WDR70: variants seen among roughly 807,000 people sequenced by gnomAD.
WDR70 encodes the protein WD repeat-containing protein 70.
Under a neutral mutation model 88.6 loss-of-function variants are expected in WDR70, and 53 were observed. The observed-to-expected ratio is 0.60, with a 90% CI of 0.48 to 0.75. The LOEUF (loss-of-function observed/expected upper bound fraction) is 0.75, where lower values mean the gene tolerates loss of function less well. WDR70 is among the 30% of genes least tolerant of loss of function. The pLI, the probability that WDR70 is intolerant of heterozygous loss-of-function variation, is 0.00. For missense variants in WDR70, 610 were observed against 823.2 expected (o/e 0.74, Z 3.17); for synonymous variants, 280 against 270.0 (o/e 1.04, Z -0.36).
Position 37,605,169 on chromosome 5 carries a change from T to C in WDR70, c.1023T>C (p.Ser341=), listed in dbSNP as rs752694678. 6.2e-6 allele frequency: 10 copies of C among 1,613,164 alleles called. No homozygotes were observed. The highest frequency in any genetic ancestry group is 4.4e-5 in the South Asian group (4 of 90,904). Residue 341 remains serine (S), a synonymous_variant, in exon 10 of 18, where the codon AGT becomes AGC. Transcript: ENST00000265107. ...KKVIPTTCTY[S]RDGNLIAAAC... Reference sequence around the variant, plus strand: ...TCATTCCCACTACGTGCACATATAGTAGAGATGGAAACCTCATAGCAGCTG... The same window carrying C: ...TCATTCCCACTACGTGCACATATAGCAGAGATGGAAACCTCATAGCAGCTG...
intron 17 of WDR70, among the ~76,000 whole-genome samples, chr5:37,749,675 T>C (rs1346329427): frequency 6.6e-6 from 1 of 152,194 alleles, no homozygotes; most frequent in African/African-American, 2.4e-5. Flanking sequence ...CTATGATGTT[T>C]AACTGTCTTA....
At chr5:37,725,854 A>T (rs1747956277) in intron 16 of WDR70, among the ~76,000 whole-genome samples, 1 of 152,084 alleles carries the variant, frequency 6.6e-6, no homozygotes, top group Non-Finnish European at 1.5e-5. Context: ...ATGTTGCTAC[A>T]GCCTCCAAAC....
intron 9 of WDR70, among the ~76,000 whole-genome samples, chr5:37,578,200 A>T (rs1581408130): frequency 2.6e-5 from 4 of 152,106 alleles, no homozygotes; most frequent in African/African-American, 9.7e-5. Context: ...AGAAGGGAAG[A>T]AGTGTGGAGA....
intron 10 of WDR70, among the ~76,000 whole-genome samples, chr5:37,653,058 G>T (rs1243860703): frequency 6.6e-6 from 1 of 152,018 alleles, no homozygotes; most frequent in African/African-American, 2.4e-5. Flanking sequence ...CCCGTTCAGT[G>T]TGATACTGGC....
Position 37,722,814 on chromosome 5 carries a change from A to G in WDR70, c.1518-41A>G, listed in dbSNP as rs778136776. On this transcript the variant is annotated intron_variant, in intron 14 of 17. Transcript: ENST00000265107. ...TTTCAACATGAAATTTTCTGTTTCT[A>G]AGACCAAGTAAAGAAAATAATTTGC... is the stretch of plus-strand genomic sequence containing the variant. 12 of 1,590,730 alleles carry G rather than the reference A, an allele frequency of 7.5e-6. No homozygotes were observed. The South Asian group carries it at 1.2e-4, about 16-fold the overall frequency.
At chr5:37,557,957 A>ACTCTTTTTAAAACTC in intron 9 of WDR70, among the ~76,000 whole-genome samples, 13 of 139,244 alleles carry the variant, frequency 9.3e-5, no homozygotes, top group East Asian at 4.3e-4. Flanking sequence ...TCAAAAGAGT[A>ACTCTTTTTAAAACTC]TTATGTATAT....
intron 8 of WDR70, among the ~76,000 whole-genome samples, chr5:37,508,615 T>C (rs1038189912): frequency 2.5e-4 from 38 of 152,252 alleles, no homozygotes; most frequent in African/African-American, 9.2e-4. Flanking sequence ...TTTTTGATTG[T>C]TAAACCAGAC....
At chr5:37,394,434 TAC>T (rs1163052586) in intron 4 of WDR70, among the ~76,000 whole-genome samples, 3 of 152,228 alleles carry the variant, frequency 2.0e-5, no homozygotes, top group Non-Finnish European at 4.4e-5. Context: ...TACTGTGGAT[TAC>T]ACAGTGTTTT....
chr5:37,494,635 A>G (rs1288744401), intron 8 of WDR70, among the ~76,000 whole-genome samples: 1 of 152,194 alleles, frequency 6.6e-6, no homozygotes, highest in African/African-American at 2.4e-5. Context: ...AGAGCCTAAA[A>G]CATATTTGGT....
chr5:37,397,367 G>C (rs368166437), intron 5 of WDR70, among the ~76,000 whole-genome samples: 7 of 152,132 alleles, frequency 4.6e-5, no homozygotes, highest in African/African-American at 1.7e-4. Context: ...ACTCTGAGAG[G>C]CCGAGGCAGG....
chr5:37,417,770 C>T (rs1749807081), intron 5 of WDR70, among the ~76,000 whole-genome samples: 1 of 152,134 alleles, frequency 6.6e-6, no homozygotes, highest in Non-Finnish European at 1.5e-5. Context: ...TGGTCTTGAG[C>T]TCCTTGGCTC....
In WDR70 at chr5:37,609,253, A is replaced by G. The variant is rs1235782776; in HGVS notation, c.1092+4015A>G. Among the ~76,000 whole-genome samples, 3 of 152,322 alleles carry G rather than the reference A, an allele frequency of 2.0e-5. No individual in the cohort carries two copies. In the East Asian group the frequency reaches 5.8e-4, roughly 29 times the overall value. On this transcript the variant is annotated intron_variant, in intron 10 of 17. Coordinates refer to ENST00000265107, the MANE Select transcript of WDR70 (RefSeq NM_018034.4). ...GACTGATTTTGGATTTGCTAATAAC[A>G]GGCAAATTTTTAAAAACTATGTTCA...
At chr5:37,493,781 T>G (rs1740137235) in intron 8 of WDR70, among the ~76,000 whole-genome samples, 1 of 151,972 alleles carries the variant, frequency 6.6e-6, no homozygotes, top group Admixed American at 6.6e-5. Context: ...TGTTAGGGAT[T>G]GTGATCAAAC....
intron 7 of WDR70, among the ~76,000 whole-genome samples, chr5:37,449,632 A>C (rs1189121018): frequency 6.6e-6 from 1 of 150,558 alleles, no homozygotes; most frequent in African/African-American, 2.4e-5. Context: ...TAAATAAATA[A>C]ATAAAATCAA....
At chr5:37,553,570 G>A (rs1481517799) in intron 9 of WDR70, among the ~76,000 whole-genome samples, 2 of 152,198 alleles carry the variant, frequency 1.3e-5, no homozygotes, top group African/African-American at 2.4e-5. Flanking sequence ...GTGTCTGTGC[G>A]TGCGCATGTG....
chr5:37,442,016 A>G (rs1409311600), intron 6 of WDR70, among the ~76,000 whole-genome samples: 1 of 149,090 alleles, frequency 6.7e-6, no homozygotes, highest in Non-Finnish European at 1.5e-5. Context: ...GACCTAGGAA[A>G]GTTCACAGGG....
chr5:37,643,876 G>T (rs1745165966), intron 10 of WDR70, among the ~76,000 whole-genome samples: 1 of 151,924 alleles, frequency 6.6e-6, no homozygotes, highest in South Asian at 2.1e-4. Context: ...AGCTCTAATA[G>T]GTTTTTGACG....
intron 10 of WDR70, among the ~76,000 whole-genome samples, chr5:37,676,008 A>C (rs1258223236): frequency 7.4e-5 from 11 of 149,084 alleles, no homozygotes; most frequent in Non-Finnish European, 1.2e-4. Context: ...TGTGAATGGG[A>C]GTTCACTCAT....
intron 8 of WDR70, among the ~76,000 whole-genome samples, chr5:37,489,363 G>A (rs1343379436): frequency 6.6e-6 from 1 of 152,166 alleles, no homozygotes; most frequent in Admixed American, 6.5e-5. Context: ...GTTGGTGATG[G>A]CAGTATAGTG....
Sources: allele counts gnomAD v4.1 joint callset (sites outside exome capture counted in the v4.1 genomes callset), GRCh38; gene constraint gnomAD v4.1.1; transcripts MANE v1.5; gene names NCBI Gene and HGNC (gene_info 2026-07-23, HGNC 2026-07-21).